Variants in GRM7 observed in about 807,000 individuals in gnomAD.
GRM7 encodes glutamate metabotropic receptor 7, also known as metabotropic glutamate receptor 7.
A neutral mutation model predicts 84.5 loss-of-function variants in GRM7; 35 were observed. That is an observed-to-expected ratio of 0.41 (90% CI 0.32 to 0.55). GRM7 has a LOEUF of 0.55. Among genes scored for constraint, GRM7 ranks in the 20% least tolerant of loss-of-function variants. The pLI, the probability that GRM7 is intolerant of heterozygous loss-of-function variation, is 0.19. For synonymous variants in GRM7, 487 were observed against 455.1 expected, an observed-to-expected ratio of 1.07 and a Z score of -0.89; for missense variants, 1,003 against 1,194.6, an observed-to-expected ratio of 0.84 and a Z score of 2.36.
chr3:7,217,810 G>A (rs1006693634), intron 2 of GRM7, among the ~76,000 whole-genome samples: 1 of 150,960 alleles, frequency 6.6e-6, no homozygotes, highest in Non-Finnish European at 1.5e-5. Context: ...TATGGATATA[G>A]ATATAGATGT....
chr3:7,711,827 G>A (rs1270394958), intron 9 of GRM7, among the ~76,000 whole-genome samples: 3 of 152,172 alleles, frequency 2.0e-5, no homozygotes, highest in Non-Finnish European at 4.4e-5. Flanking sequence ...ACTCCAAGGT[G>A]TTTCATATGC....
At chr3:6,892,125 T>C (rs1173952100) in intron 1 of GRM7, among the ~76,000 whole-genome samples, 2 of 152,182 alleles carry the variant, frequency 1.3e-5, no homozygotes, top group Non-Finnish European at 2.9e-5. Context: ...ATTCTAGTTA[T>C]ACATTCGTCT....
chr3:7,165,123 T>C (rs538641409), intron 2 of GRM7, among the ~76,000 whole-genome samples: 1 of 152,224 alleles, frequency 6.6e-6, no homozygotes, highest in Non-Finnish European at 1.5e-5. Context: ...TCATTTGAGA[T>C]ATTGTGGGAG....
At chr3:7,220,519 T>G (rs1337726581) in intron 2 of GRM7, among the ~76,000 whole-genome samples, 1 of 152,148 alleles carries the variant, frequency 6.6e-6, no homozygotes, top group Non-Finnish European at 1.5e-5. Context: ...GGAAAAACTG[T>G]CATAGCCAAG....
intron 1 of GRM7, among the ~76,000 whole-genome samples, chr3:7,023,752 C>T (rs1361259668): frequency 2.0e-5 from 3 of 152,106 alleles, no homozygotes; most frequent in Admixed American, 2.0e-4. Context: ...CTCTAAAGAC[C>T]CATCTTAATT....
chr3:7,339,088 T>C (rs569327420), intron 4 of GRM7, among the ~76,000 whole-genome samples: 33 of 152,138 alleles, frequency 2.2e-4, no homozygotes, highest in Non-Finnish European at 3.5e-4. Context: ...TAATTCAAAT[T>C]GGATTAAAGG....
At chr3:7,221,541 C>T (rs1176066576) in intron 2 of GRM7, among the ~76,000 whole-genome samples, 3 of 151,956 alleles carry the variant, frequency 2.0e-5, no homozygotes, top group Non-Finnish European at 4.4e-5. Flanking sequence ...TAGTCAATCT[C>T]TTCTAAGGGT....
intron 4 of GRM7, among the ~76,000 whole-genome samples, chr3:7,315,078 G>A (rs1002188628): frequency 2.6e-5 from 4 of 151,298 alleles, no homozygotes; most frequent in African/African-American, 9.7e-5. Flanking sequence ...TTCTCTAAAT[G>A]TCAGGACTAT....
At chr3:7,722,343 T>C (rs1701980117) in intron 9 of GRM7, among the ~76,000 whole-genome samples, 1 of 152,194 alleles carries the variant, frequency 6.6e-6, no homozygotes, top group Non-Finnish European at 1.5e-5. Flanking sequence ...GTTGTTATAC[T>C]ATAGTACTAT....
At chr3:7,124,690 A>T (rs1247797882) in intron 1 of GRM7, among the ~76,000 whole-genome samples, 11 of 152,136 alleles carry the variant, frequency 7.2e-5, no homozygotes, top group Admixed American at 7.2e-4. Flanking sequence ...CAGAGAGGTG[A>T]TTCAGTCATT....
At chr3:7,036,543 G>A (rs1161219398) in intron 1 of GRM7, among the ~76,000 whole-genome samples, 1 of 152,130 alleles carries the variant, frequency 6.6e-6, no homozygotes, top group African/African-American at 2.4e-5. Context: ...TCATCTAGGG[G>A]AGGAGAAATG....
At chr3:7,022,338 T>A (rs201321712) in intron 1 of GRM7, among the ~76,000 whole-genome samples, 5 of 133,616 alleles carry the variant, frequency 3.7e-5, no homozygotes, top group South Asian at 2.3e-4. Flanking sequence ...AAAAAAAAAA[T>A]AATAAAATAT....
chr3:7,323,924 G>GT (rs919971457), intron 4 of GRM7, among the ~76,000 whole-genome samples: 3 of 152,048 alleles, frequency 2.0e-5, no homozygotes, highest in Admixed American at 6.6e-5. Context: ...AAATTAAGCT[G>GT]TTTTTTATAA....
chr3:7,342,414 A>G (rs1359801111), intron 4 of GRM7, among the ~76,000 whole-genome samples: 1 of 152,190 alleles, frequency 6.6e-6, no homozygotes, highest in African/African-American at 2.4e-5. Context: ...CCCATGCTAG[A>G]CATGACCAAT....
At chr3:7,484,199 A>C (rs1295336298) in intron 7 of GRM7, among the ~76,000 whole-genome samples, 1 of 152,188 alleles carries the variant, frequency 6.6e-6, no homozygotes, top group African/African-American at 2.4e-5. Flanking sequence ...CTGTGTCTCC[A>C]ATTTCTGATA....
At chr3:7,420,708 C>T (rs927757700) in intron 5 of GRM7, among the ~76,000 whole-genome samples, 24 of 152,076 alleles carry the variant, frequency 1.6e-4, no homozygotes, top group African/African-American at 5.6e-4. Context: ...ATTGTGGGAA[C>T]TGGAAATGTA....
At chr3:7,476,226 AG>A (rs1325954358) in intron 7 of GRM7, among the ~76,000 whole-genome samples, 1 of 152,184 alleles carries the variant, frequency 6.6e-6, no homozygotes, top group Non-Finnish European at 1.5e-5. Context: ...CCTAACCCAC[AG>A]GATTATTGTG....
chr3:6,892,555 A>G (rs1007338366), intron 1 of GRM7: 1 of 152,122 alleles, frequency 6.6e-6, no homozygotes, highest in Non-Finnish European at 1.5e-5. Context: ...GGTATAATAT[A>G]TTCCTGTCAG....
At chr3:7,687,807 G>T (rs1700641147) in intron 9 of GRM7, among the ~76,000 whole-genome samples, 1 of 152,016 alleles carries the variant, frequency 6.6e-6, no homozygotes, top group Admixed American at 6.6e-5. Context: ...TGGTAAAACA[G>T]CATAAGAGTA....
Sources: allele counts gnomAD v4.1 joint callset (sites outside exome capture counted in the v4.1 genomes callset), GRCh38; gene constraint gnomAD v4.1.1; transcripts MANE v1.5; gene names NCBI Gene and HGNC (gene_info 2026-07-23, HGNC 2026-07-21).